Variants in DPYD observed in about 807,000 individuals in gnomAD.
DPYD encodes dihydropyrimidine dehydrogenase.
Under a neutral mutation model 116.2 loss-of-function variants are expected in DPYD, and 109 were observed. The observed-to-expected ratio is 0.94, with a 90% CI of 0.80 to 1.10. The LOEUF is 1.10. Among genes scored for constraint, DPYD ranks in the 50% least tolerant of loss-of-function variants. DPYD has a pLI of 0.00. For missense variants in DPYD, 1,302 were observed against 1,254.5 expected (o/e 1.04, Z -0.57); for synonymous variants, 440 against 432.0 (o/e 1.02, Z -0.23).
chr1:97,234,392 C>G (rs1661771799), intron 19 of DPYD, among the ~76,000 whole-genome samples: 1 of 151,924 alleles, frequency 6.6e-6, no homozygotes, highest in Non-Finnish European at 1.5e-5. Context: ...GCTGAACAAT[C>G]AATTTATTTT....
chr1:97,421,565 G>A (rs1674585064), intron 14 of DPYD, among the ~76,000 whole-genome samples: 1 of 152,142 alleles, frequency 6.6e-6, no homozygotes, highest in Admixed American at 6.5e-5. Flanking sequence ...ATACAAGAGT[G>A]CCTATCCCAT....
intron 14 of DPYD, among the ~76,000 whole-genome samples, chr1:97,385,280 C>CAAAA (rs567156406): frequency 8.2e-5 from 4 of 48,940 alleles, no homozygotes; most frequent in African/African-American, 5.1e-4. Context: ...GCATTCCTTG[C>CAAAA]AAAAAAAAAA....
intron 4 of DPYD, among the ~76,000 whole-genome samples, chr1:97,729,627 C>T (rs1388296083): frequency 2.0e-5 from 3 of 151,972 alleles, no homozygotes; most frequent in Non-Finnish European, 4.4e-5. Context: ...AATCACTAAT[C>T]TACCAAACCA....
intron 4 of DPYD, among the ~76,000 whole-genome samples, chr1:97,731,888 GT>G (rs1409666729): frequency 2.6e-5 from 4 of 151,684 alleles, no homozygotes; most frequent in Non-Finnish European, 5.9e-5. Context: ...TATCATTAGT[GT>G]TTTTTAAAAA....
intron 20 of DPYD, among the ~76,000 whole-genome samples, chr1:97,157,984 G>A (rs1655602310): frequency 6.6e-6 from 1 of 152,070 alleles, no homozygotes. Flanking sequence ...GGACTTGACT[G>A]CTTAGGGTAA....
intron 20 of DPYD, among the ~76,000 whole-genome samples, chr1:97,169,523 T>TTTTTATTTTA (rs11275458): frequency 0.19 from 26,946 of 142,938 alleles, 3,484 homozygotes; most frequent in East Asian, 0.38. Context: ...ATTGGGTTAA[T>TTTTTATTTTA]TTTTATTTTA....
intron 20 of DPYD, among the ~76,000 whole-genome samples, chr1:97,192,720 T>C (rs771795936): frequency 2.0e-5 from 3 of 152,142 alleles, no homozygotes; most frequent in Non-Finnish European, 4.4e-5. Context: ...GTCTTGAAAA[T>C]AGAAAGGTAA....
At chr1:97,358,670 G>T (rs1670549750) in intron 16 of DPYD, among the ~76,000 whole-genome samples, 1 of 152,180 alleles carries the variant, frequency 6.6e-6, no homozygotes, top group South Asian at 2.1e-4. Flanking sequence ...GGCAAACAGG[G>T]TCTGGAGTGG....
chr1:97,113,107 G>T (rs1651722025), intron 20 of DPYD, among the ~76,000 whole-genome samples: 1 of 152,094 alleles, frequency 6.6e-6, no homozygotes, highest in African/African-American at 2.4e-5. Context: ...TAACACATGT[G>T]ACTGTGTAAT....
chr1:97,821,557 A>G (rs1668938855), intron 3 of DPYD, among the ~76,000 whole-genome samples: 1 of 152,096 alleles, frequency 6.6e-6, no homozygotes, highest in African/African-American at 2.4e-5. Context: ...TATAAACCAG[A>G]GATTTGACCT....
At chr1:97,260,906 A>T (rs1407229308) in intron 18 of DPYD, among the ~76,000 whole-genome samples, 3 of 152,134 alleles carry the variant, frequency 2.0e-5, no homozygotes, top group Admixed American at 6.6e-5. Context: ...AAGTACATGG[A>T]GGCAGTAAGC....
intron 14 of DPYD, among the ~76,000 whole-genome samples, chr1:97,417,406 G>A (rs1354286279): frequency 6.6e-6 from 1 of 152,098 alleles, no homozygotes; most frequent in African/African-American, 2.4e-5. Context: ...TACTTCCTCT[G>A]CCCCTGTAAT....
chr1:97,097,320 T>A (rs950826123), intron 21 of DPYD, among the ~76,000 whole-genome samples: 2 of 148,448 alleles, frequency 1.3e-5, no homozygotes, highest in African/African-American at 5.1e-5. Context: ...ATGAGATACA[T>A]TTTTTTTTTC....
chr1:97,638,871 G>T (rs761458297), intron 8 of DPYD, among the ~76,000 whole-genome samples: 34 of 152,140 alleles, frequency 2.2e-4, no homozygotes, highest in Admixed American at 3.3e-4. Flanking sequence ...CTAGTCCCAT[G>T]ATTCAAACAC....
rs1412673741 is a variant in DPYD at position 97,122,198 on chromosome 1, A to G, written c.2623-23566T>C. Among the ~76,000 whole-genome samples, 5 of 152,200 alleles carry G rather than the reference A, an allele frequency of 3.3e-5. 1 individual carries two copies. In the East Asian group the frequency reaches 9.7e-4, roughly 29 times the overall value. ...CTGGAGTACGGATGAAAAGAGAGAT[A>G]ATTCTAGAAAGATAGGTGACTATCA... On this transcript the variant is annotated intron_variant, in intron 20 of 22. Coordinates refer to ENST00000370192, the MANE Select transcript of DPYD (RefSeq NM_000110.4).
At chr1:97,831,459 T>C (rs1301802113) in intron 2 of DPYD, among the ~76,000 whole-genome samples, 2 of 152,186 alleles carry the variant, frequency 1.3e-5, no homozygotes, top group Non-Finnish European at 2.9e-5. Flanking sequence ...TGAGAAAAAC[T>C]GTAAATTATT....
At chr1:97,390,993 C>T (rs1394221172) in intron 14 of DPYD, among the ~76,000 whole-genome samples, 2 of 151,280 alleles carry the variant, frequency 1.3e-5, no homozygotes, top group Non-Finnish European at 2.9e-5. Context: ...TAACCACCTC[C>T]AGTTTCTTGA....
chr1:97,609,846 T>G (rs901341674), intron 8 of DPYD, among the ~76,000 whole-genome samples: 2 of 151,990 alleles, frequency 1.3e-5, no homozygotes, highest in African/African-American at 4.8e-5. Context: ...CTTTAAAGAT[T>G]AGTAGGTAAT....
At chr1:97,766,962 C>G (rs1379609088) in intron 3 of DPYD, among the ~76,000 whole-genome samples, 1 of 151,932 alleles carries the variant, frequency 6.6e-6, no homozygotes, top group Non-Finnish European at 1.5e-5. Context: ...CAAAAGGGTA[C>G]CATGTGAAAA....
Sources: allele counts gnomAD v4.1 joint callset (sites outside exome capture counted in the v4.1 genomes callset), GRCh38; gene constraint gnomAD v4.1.1; transcripts MANE v1.5; gene names NCBI Gene and HGNC (gene_info 2026-07-23, HGNC 2026-07-21).